ARHGAP10: variants seen among roughly 807,000 people sequenced by gnomAD.
ARHGAP10 encodes Rho GTPase activating protein 10, also known as rho GTPase-activating protein 10.
ARHGAP10 carries 87 observed loss-of-function variants against 108.6 expected under a neutral mutation model. The observed-to-expected ratio is 0.80, with a 90% CI of 0.67 to 0.96. The LOEUF (loss-of-function observed/expected upper bound fraction) is 0.96, where lower values mean the gene tolerates loss of function less well. Ranked by LOEUF, ARHGAP10 falls within the 40% of genes least tolerant of loss-of-function variation. ARHGAP10 has a pLI of 0.00. For synonymous variants in ARHGAP10, 347 were observed against 341.1 expected (o/e 1.02, Z -0.19); for missense variants, 939 against 954.5 (o/e 0.98, Z 0.21).
chr4:147,928,849 T>C (rs1044863995), intron 13 of ARHGAP10, among the ~76,000 whole-genome samples: 1 of 152,270 alleles, frequency 6.6e-6, no homozygotes, highest in Non-Finnish European at 1.5e-5. Context: ...TAATGATTGC[T>C]TGGTATGTGT....
intron 19 of ARHGAP10, among the ~76,000 whole-genome samples, chr4:148,038,921 T>C (rs192877500): frequency 4.3e-4 from 65 of 152,354 alleles, no homozygotes; most frequent in Admixed American, 3.9e-3. Flanking sequence ...TTTTTTTGTT[T>C]CTAAAGTGGT....
chr4:148,002,566 T>C (rs1165506994), intron 18 of ARHGAP10, among the ~76,000 whole-genome samples: 4 of 152,200 alleles, frequency 2.6e-5, no homozygotes, highest in Admixed American at 2.6e-4. Context: ...GTTGGTAGGC[T>C]ATTAATTATT....
At chr4:148,048,544 A>G (rs1728986432) in intron 20 of ARHGAP10, among the ~76,000 whole-genome samples, 1 of 152,242 alleles carries the variant, frequency 6.6e-6, no homozygotes, top group African/African-American at 2.4e-5. Context: ...GTTTCACCGT[A>G]GTACTACAAG....
At chr4:147,982,025 CTA>C (rs1303012056) in intron 18 of ARHGAP10, among the ~76,000 whole-genome samples, 4 of 152,116 alleles carry the variant, frequency 2.6e-5, no homozygotes, top group Non-Finnish European at 5.9e-5. Context: ...ATTTGCCACC[CTA>C]TGTCTTTTAT....
intron 10 of ARHGAP10, among the ~76,000 whole-genome samples, chr4:147,890,617 A>G (rs1389321045): frequency 6.6e-6 from 1 of 152,204 alleles, no homozygotes; most frequent in African/African-American, 2.4e-5. Context: ...ACCTGAGGTC[A>G]GGAGTTCGAA....
intron 10 of ARHGAP10, among the ~76,000 whole-genome samples, chr4:147,903,978 C>T (rs904225801): frequency 6.6e-6 from 1 of 152,160 alleles, no homozygotes; most frequent in African/African-American, 2.4e-5. Context: ...TAGGTAACTG[C>T]CAAGGAATGT....
chr4:147,926,557 A>G (rs56670397), intron 13 of ARHGAP10, among the ~76,000 whole-genome samples: 98 of 152,298 alleles, frequency 6.4e-4, no homozygotes, highest in African/African-American at 2.3e-3. Context: ...TCTGAATGCA[A>G]GTGGCATGTT....
intron 13 of ARHGAP10, among the ~76,000 whole-genome samples, chr4:147,921,536 C>T (rs187081615): frequency 6.6e-6 from 1 of 151,838 alleles, no homozygotes; most frequent in African/African-American, 2.4e-5. Flanking sequence ...GTCATGGTGC[C>T]ATATAGCATT....
chr4:148,016,966 T>G (rs2149658877), intron 18 of ARHGAP10, among the ~76,000 whole-genome samples: 1 of 136,260 alleles, frequency 7.3e-6, no homozygotes, highest in African/African-American at 2.8e-5. Flanking sequence ...GGCAACATGG[T>G]GAAACCTCAT....
chr4:147,819,461 CTA>C (rs1451732917), intron 1 of ARHGAP10, among the ~76,000 whole-genome samples: 1 of 152,006 alleles, frequency 6.6e-6, no homozygotes, highest in African/African-American at 2.4e-5. Context: ...AGCCCACAAA[CTA>C]TCAGTATTTG....
chr4:148,065,653 G>A (rs6535576), intron 22 of ARHGAP10: 84,999 of 151,952 alleles, frequency 0.56, 23,969 homozygotes, highest in East Asian at 0.64. Context: ...GAAGGGGAGG[G>A]TGCGATGGTA....
chr4:147,760,532 A>G (rs945264808), intron 1 of ARHGAP10, among the ~76,000 whole-genome samples: 1 of 152,028 alleles, frequency 6.6e-6, no homozygotes, highest in Non-Finnish European at 1.5e-5. Context: ...TACTTTTCTA[A>G]GTGTGGGGTA....
At chr4:147,970,404 A>G (rs1739360903) in intron 18 of ARHGAP10, among the ~76,000 whole-genome samples, 1 of 151,986 alleles carries the variant, frequency 6.6e-6, no homozygotes. Context: ...TGAGAAAGGA[A>G]AACATTACAG....
intron 13 of ARHGAP10, among the ~76,000 whole-genome samples, chr4:147,939,537 TG>T (rs1412902919): frequency 6.6e-6 from 1 of 152,206 alleles, no homozygotes; most frequent in Non-Finnish European, 1.5e-5. Flanking sequence ...CAAATTGGAT[TG>T]GTATTCATTT....
chr4:147,733,385 T>G (rs1440794275), intron 1 of ARHGAP10, among the ~76,000 whole-genome samples: 1 of 152,148 alleles, frequency 6.6e-6, no homozygotes, highest in East Asian at 1.9e-4. Flanking sequence ...CTTGGATCCA[T>G]AACCCCTTCG....
chr4:147,783,206 AC>A (rs1418023288), intron 1 of ARHGAP10, among the ~76,000 whole-genome samples: 1 of 144,428 alleles, frequency 6.9e-6, no homozygotes, highest in East Asian at 2.1e-4. Context: ...AATTTATATA[AC>A]ACATTAAATT....
chr4:147,978,790 A>G (rs1739700682), intron 18 of ARHGAP10, among the ~76,000 whole-genome samples: 1 of 152,118 alleles, frequency 6.6e-6, no homozygotes, highest in Non-Finnish European at 1.5e-5. Context: ...TGTGGTTTCA[A>G]TTTGCATTTC....
At chr4:147,986,039 G>A (rs115915583) in intron 18 of ARHGAP10, among the ~76,000 whole-genome samples, 31 of 152,192 alleles carry the variant, frequency 2.0e-4, no homozygotes, top group African/African-American at 6.7e-4. Flanking sequence ...AAGCTCACAG[G>A]GTTTATCTTT....
At chr4:147,877,819 CTTTT>C (rs549355620) in intron 8 of ARHGAP10, among the ~76,000 whole-genome samples, 2 of 131,494 alleles carry the variant, frequency 1.5e-5, no homozygotes, top group East Asian at 2.2e-4. Context: ...ATTCTTCATA[CTTTT>C]TTTTTTTTTT....
Sources: allele counts gnomAD v4.1 joint callset (sites outside exome capture counted in the v4.1 genomes callset), GRCh38; gene constraint gnomAD v4.1.1; transcripts MANE v1.5; gene names NCBI Gene and HGNC (gene_info 2026-07-23, HGNC 2026-07-21).